TNRC18: variants seen among roughly 807,000 people sequenced by gnomAD.
TNRC18 encodes the protein trinucleotide repeat-containing gene 18 protein.
In TNRC18, 69 loss-of-function variants were observed where a neutral mutation model predicts 226.7. That is an observed-to-expected ratio of 0.30 (90% CI 0.25 to 0.37). The LOEUF is 0.37. Ranked by LOEUF, TNRC18 falls within the 10% of genes least tolerant of loss-of-function variation. TNRC18 has a pLI of 1.00. For missense variants in TNRC18, 4,754 were observed against 4,256.6 expected, an observed-to-expected ratio of 1.12 and a Z score of -3.25; for synonymous variants, 2,449 against 1,927.6, an observed-to-expected ratio of 1.27 and a Z score of -7.09.
intron 10 of TNRC18, among the ~76,000 whole-genome samples, chr7:5,373,826 T>C (rs1460793299): frequency 1.3e-5 from 2 of 151,970 alleles, no homozygotes; most frequent in African/African-American, 2.4e-5. Flanking sequence ...CAGTTTCTAA[T>C]ATTACACCCA....
At chr7:5,368,166 T>C (rs1332654100) in intron 11 of TNRC18, among the ~76,000 whole-genome samples, 1 of 152,108 alleles carries the variant, frequency 6.6e-6, no homozygotes, top group African/African-American at 2.4e-5. Context: ...CCTAAAACAA[T>C]GATTTTTTAA....
At chr7:5,345,881 G>A (rs1367032119) in intron 17 of TNRC18, 71 bp from the exon 18 acceptor site, 1 of 1,480,232 alleles carries the variant, frequency 6.8e-7, no homozygotes, top group Non-Finnish European at 9.0e-7. Flanking sequence ...CCGCCCCCTG[G>A]CCCAGAGTGG....
intron 16 of TNRC18, among the ~76,000 whole-genome samples, chr7:5,352,773 G>A (rs1305619679): frequency 3.3e-5 from 5 of 152,264 alleles, no homozygotes; most frequent in Non-Finnish European, 7.3e-5. Flanking sequence ...CCAGCTTTGG[G>A]AGGGGAGCCT....
chr7:5,392,622 T>A (rs1448601249), intron 3 of TNRC18, among the ~76,000 whole-genome samples: 1 of 150,208 alleles, frequency 6.7e-6, no homozygotes, highest in South Asian at 2.1e-4. Context: ...TTTCAAAAAA[T>A]AAATAAATAA....
chr7:5,388,281 G>A lies in TNRC18; in HGVS notation c.1543C>T (p.Leu515=), dbSNP rs1263851973. 7 of 1,609,048 alleles carry A rather than the reference G, an allele frequency of 4.4e-6. No individual in the cohort carries two copies. The highest frequency in any genetic ancestry group is 5.9e-6 in the Non-Finnish European group (7 of 1,178,364). Residue 515 remains leucine (L), a synonymous_variant, in exon 5 of 30, where the codon CTG becomes TTG. Transcript: ENST00000430969. ...GPEHKWKPFE[L]GNFAATQMAV... is the part of the protein sequence containing the mutation. The stretch of plus-strand genomic sequence containing the variant: ...ATCTGCGTGGCGGCGAAGTTGCCCA[G>A]CTCGAAGGGTTTCCATTTATGCTCA...
intron 2 of TNRC18, among the ~76,000 whole-genome samples, chr7:5,401,727 A>G (rs1343863419): frequency 1.3e-5 from 2 of 152,224 alleles, no homozygotes; most frequent in Non-Finnish European, 2.9e-5. Context: ...CCCCAGCATT[A>G]CTAGGTATGC....
rs537060913 is a variant in TNRC18, at chr7:5,316,011, C to T, written c.6807G>A (p.Thr2269=). 1.7e-5 allele frequency: 27 copies of T among 1,603,880 alleles called. No homozygotes were observed. Among genetic ancestry groups the T allele is most frequent in the African/African-American group, 1.6e-4 (12 of 74,168 alleles). The change falls in exon 25 of 30, where the codon ACG becomes ACA. Residue 2269 remains threonine, a synonymous_variant. Coordinates refer to ENST00000430969, the MANE Select transcript of TNRC18 (RefSeq NM_001080495.3). ...LITVEFDDGD[T]GRIPLSHIRL... ...GGATATGTGAGAGGGGGATCCTGCC[C>T]GTGTCTCCGTCGTCAAACTCCACGG...
At chr7:5,344,442 C>A in intron 18 of TNRC18, among the ~76,000 whole-genome samples, 1 of 152,040 alleles carries the variant, frequency 6.6e-6, no homozygotes, top group East Asian at 1.9e-4. Flanking sequence ...GCCTGGAGCC[C>A]AGCAAACAAT....
chr7:5,308,491 G>C (rs995595120), intron 29 of TNRC18, among the ~76,000 whole-genome samples, 179 bp from the exon 30 acceptor site: 7 of 152,030 alleles, frequency 4.6e-5, no homozygotes, highest in African/African-American at 1.7e-4. Context: ...GAGACCGAGA[G>C]ATGGAGAGCA....
At chr7:5,343,078 G>A (rs926506207) in intron 18 of TNRC18, among the ~76,000 whole-genome samples, 1 of 152,148 alleles carries the variant, frequency 6.6e-6, no homozygotes. Flanking sequence ...TTACGTCCAG[G>A]CGCGGTGGCT....
At chr7:5,418,959 C>T (rs1782364521) in intron 2 of TNRC18, among the ~76,000 whole-genome samples, 2 of 152,228 alleles carry the variant, frequency 1.3e-5, no homozygotes, top group African/African-American at 2.4e-5. Context: ...GAACCAGCAC[C>T]GGCCCCCACC....
At chr7:5,413,329 C>T (rs1045212942) in intron 2 of TNRC18, among the ~76,000 whole-genome samples, 4 of 152,152 alleles carry the variant, frequency 2.6e-5, no homozygotes, top group Non-Finnish European at 4.4e-5. Context: ...CTCCCCATCC[C>T]TCCACAAGTG....
At chr7:5,407,690 A>G (rs775772196) in intron 2 of TNRC18, among the ~76,000 whole-genome samples, 10 of 152,250 alleles carry the variant, frequency 6.6e-5, no homozygotes, top group Non-Finnish European at 1.2e-4. Context: ...AGGAGAGGTC[A>G]AGGCCTCAGG....
Position 5,370,696 on chromosome 7 carries a change from C to A in TNRC18, c.3898G>T (p.Ala1300Ser). ...AGGCTCGGGCACTGTCCCTCCCCGG[C>A]GGGCACGTCACAGTCTGACATTTCT... ...TLEMSDCDVPAGEGQCPSLEP... is the reference protein window; with the variant it reads ...TLEMSDCDVPSGEGQCPSLEP... Residue 1300 changes from alanine to serine, a missense_variant, in exon 11 of 30, where the codon GCC (alanine) becomes TCC (serine). Transcript: ENST00000430969. 1 of 1,611,114 alleles carries A rather than the reference C, an allele frequency of 6.2e-7. No homozygotes were observed. The highest frequency in any genetic ancestry group is 1.1e-5 in the South Asian group (1 of 90,680).
Position 5,394,491 on chromosome 7 carries a change from T to C in TNRC18, c.292A>G (p.Thr98Ala). 4.5e-6 allele frequency: 7 copies of C among 1,560,812 alleles called. No individual in the cohort carries two copies. The highest frequency in any genetic ancestry group is 6.1e-6 in the Non-Finnish European group (7 of 1,154,224). ...TGCACCATGGGCAGGTTGCTAGGGG[T>C]TGGGGAGCGGAAAGACAGGTCAGAG... ...LPSDLSFRSP[T>A]PSNLPMVQLW... Residue 98 changes from threonine (T) to alanine (A), a missense_variant, in exon 3 of 30, where the codon ACC becomes GCC. Coordinates refer to ENST00000430969, the MANE Select transcript of TNRC18 (RefSeq NM_001080495.3). This position sits in a 1 kb window ranked among gnomAD's most constrained non-coding sequence, Gnocchi z 4.5.
chr7:5,325,269 G>T, intron 19 of TNRC18, 21 bp from the exon 20 acceptor site: 1 of 1,545,770 alleles, frequency 6.5e-7, no homozygotes, highest in East Asian at 2.4e-5. Context: ...AAGCAGCAGA[G>T]AGGAGCCATC....
chr7:5,393,216 C>T (rs1303100939), intron 3 of TNRC18, among the ~76,000 whole-genome samples: 1 of 152,216 alleles, frequency 6.6e-6, no homozygotes, highest in Non-Finnish European at 1.5e-5. Context: ...TCATCCAGAC[C>T]CTCTGGCATC....
intron 18 of TNRC18, among the ~76,000 whole-genome samples, chr7:5,341,824 C>A (rs1030730882): frequency 1.3e-5 from 2 of 150,306 alleles, no homozygotes; most frequent in Non-Finnish European, 2.9e-5. Context: ...CAGTTCACAG[C>A]ATGATTTACT....
Position 5,362,767 on chromosome 7 carries a change from G to T in TNRC18, c.4278C>A (p.Ser1426Arg). The change falls in exon 12 of 30, where the codon AGC becomes AGA. Residue 1426 changes from serine (S) to arginine (R), a missense_variant. Physicochemically the swap from Ser to Arg is moderately radical, Grantham distance 110 (BLOSUM62 -1). Coordinates refer to ENST00000430969, the MANE Select transcript of TNRC18 (RefSeq NM_001080495.3). ...CATCCAGCACCTCCCTCAGCATGTG[G>T]CTGCCAGCTGCCAGCAGACTCTCCA... ...PSLESLLAAGSHMLREVLDGP... is the reference protein window; with the variant it reads ...PSLESLLAAGRHMLREVLDGP... The T allele has an allele frequency of 6.4e-7, 1 of 1,569,988 alleles. No individual in the cohort carries two copies. Among genetic ancestry groups the T allele is most frequent in the Non-Finnish European group, 8.6e-7 (1 of 1,158,254 alleles).
Sources: gnomAD v4.1 joint callset for allele counts (sites outside exome capture counted in the v4.1 genomes callset) on GRCh38, gnomAD v4.1.1 for gene constraint, Gnocchi (gnomAD v3.1) non-coding constraint, MANE v1.5 for transcripts, NCBI Gene and HGNC (gene_info 2026-07-23, HGNC 2026-07-21) for gene names.